The following REC114 variants were observed in gnomAD, a reference collection of about 807,000 sequenced individuals.
The protein encoded by REC114 is REC114 meiotic recombination protein, also known as meiotic recombination protein REC114.
Under a neutral mutation model 31.3 loss-of-function variants are expected in REC114, and 27 were observed. The observed-to-expected ratio is 0.86, with a 90% CI of 0.64 to 1.19. REC114 has a LOEUF of 1.19. Ranked by LOEUF, REC114 falls within the 50% of genes most tolerant of loss-of-function variation. REC114 has a pLI of 0.00. For missense variants in REC114, 344 were observed against 326.9 expected (o/e 1.05, Z -0.40); for synonymous variants, 134 against 127.7 (o/e 1.05, Z -0.33).
intron 1 of REC114, among the ~76,000 whole-genome samples, chr15:73,460,914 G>A (rs988275421): frequency 1.3e-5 from 2 of 152,076 alleles, no homozygotes; most frequent in East Asian, 1.9e-4. Context: ...TTGAGTAAAT[G>A]TAGTCTATTT....
At chr15:73,488,213 G>C (rs1175512125) in intron 2 of REC114, among the ~76,000 whole-genome samples, 1 of 152,148 alleles carries the variant, frequency 6.6e-6, no homozygotes, top group Non-Finnish European at 1.5e-5. Context: ...TGATGGGTGT[G>C]GTAGCCTCAA....
At chr15:73,524,792 T>G in intron 2 of REC114, among the ~76,000 whole-genome samples, 1 of 152,072 alleles carries the variant, frequency 6.6e-6, no homozygotes, top group East Asian at 1.9e-4. Flanking sequence ...AGAAATGGGG[T>G]TTTGCCATGC....
intron 1 of REC114, among the ~76,000 whole-genome samples, chr15:73,455,810 A>G (rs1892907554): frequency 6.6e-6 from 1 of 152,148 alleles, no homozygotes; most frequent in African/African-American, 2.4e-5. Flanking sequence ...TGTGCATAGA[A>G]ATCATCTGAG....
intron 1 of REC114, among the ~76,000 whole-genome samples, chr15:73,466,538 A>G (rs1893062325): frequency 6.6e-6 from 1 of 152,152 alleles, no homozygotes; most frequent in Admixed American, 6.5e-5. Context: ...TGGGTGACAG[A>G]GCAAGACTCC....
chr15:73,529,283 G>T (rs768420656), intron 2 of REC114, among the ~76,000 whole-genome samples: 1 of 151,744 alleles, frequency 6.6e-6, no homozygotes, highest in Non-Finnish European at 1.5e-5. Flanking sequence ...GACTACAGGC[G>T]CCCGCCACCA....
intron 2 of REC114, among the ~76,000 whole-genome samples, chr15:73,500,315 C>G (rs1029976376): frequency 6.7e-6 from 1 of 149,202 alleles, no homozygotes; most frequent in Non-Finnish European, 1.5e-5. Context: ...TCTTCATCCC[C>G]ACTTGCTGTC....
chr15:73,559,636 AAT>A (rs1491449789), intron 5 of REC114, 114 bp from the exon 6 acceptor site: 2 of 872,520 alleles, frequency 2.3e-6, no homozygotes, highest in African/African-American at 3.5e-5. Context: ...AATTAACACT[AAT>A]TTTTTTGGTG....
chr15:73,488,139 A>G (rs982863460), intron 2 of REC114, among the ~76,000 whole-genome samples: 11 of 152,196 alleles, frequency 7.2e-5, no homozygotes, highest in Non-Finnish European at 1.5e-4. Flanking sequence ...ACCAAGGTCA[A>G]TGGGCACTCT....
intron 3 of REC114, among the ~76,000 whole-genome samples, chr15:73,548,402 C>T (rs943712077): frequency 2.0e-5 from 3 of 152,178 alleles, no homozygotes; most frequent in Middle Eastern, 3.4e-3. Context: ...TCACTGTGCC[C>T]GGCCTGAATA....
chr15:73,554,932 G>C (rs1375635252), intron 4 of REC114, among the ~76,000 whole-genome samples: 2 of 152,240 alleles, frequency 1.3e-5, no homozygotes, highest in East Asian at 3.8e-4. Context: ...AGGCTGCCTT[G>C]TTTTTACAGA....
intron 4 of REC114, among the ~76,000 whole-genome samples, chr15:73,555,668 G>A (rs992610297): frequency 5.3e-5 from 8 of 152,030 alleles, no homozygotes; most frequent in African/African-American, 1.7e-4. Flanking sequence ...GTTCTTTGTC[G>A]CTCCTATCCC....
intron 2 of REC114, among the ~76,000 whole-genome samples, chr15:73,534,546 C>T (rs1418025458): frequency 1.3e-5 from 2 of 152,032 alleles, no homozygotes; most frequent in African/African-American, 4.8e-5. Flanking sequence ...CAATAGCTTA[C>T]CAACCAAAAA....
chr15:73,501,681 T>C (rs377199074), intron 2 of REC114, among the ~76,000 whole-genome samples: 17 of 152,220 alleles, frequency 1.1e-4, no homozygotes, highest in African/African-American at 3.9e-4. Context: ...CTGACCTCAA[T>C]TGATCCACTC....
Position 73,538,455 on chromosome 15 carries a change from CTTT to C in REC114, c.250-2013_250-2011del, listed in dbSNP as rs34642401. On this transcript the variant is annotated intron_variant, in intron 2 of 5. Coordinates refer to ENST00000331090, the MANE Select transcript of REC114 (RefSeq NM_001042367.2). ...TACATATGTGGCTCAAATTCTATTT[CTTT>C]TTTTTTTTTTTTTTTTGAGACAGAG... Among the ~76,000 whole-genome samples, 116 of 124,066 alleles carry C rather than the reference CTTT, an allele frequency of 9.3e-4. 1 individual carries two copies. The East Asian group carries it at 0.013, about 14-fold the overall frequency. The allele number at this position is 124,066 out of a possible 152,430, so 81.4% of individuals were successfully genotyped here. A position where few individuals can be genotyped will look rare whatever the true frequency, so the allele number is the denominator to read the frequency against.
chr15:73,531,950 T>C (rs1184454622), intron 2 of REC114, among the ~76,000 whole-genome samples: 1 of 151,918 alleles, frequency 6.6e-6, no homozygotes, highest in African/African-American at 2.4e-5. Context: ...TTTTGTCTGA[T>C]GGTAAATTAG....
intron 3 of REC114, among the ~76,000 whole-genome samples, chr15:73,543,895 T>A (rs146645851): frequency 1.3e-5 from 2 of 151,198 alleles, no homozygotes; most frequent in East Asian, 3.9e-4. Flanking sequence ...CTGACTTGCA[T>A]GGGAAGTAGT....
At chr15:73,556,438 A>AC in intron 5 of REC114, 47 bp downstream of exon 5, 4 of 1,485,410 alleles carry the variant, frequency 2.7e-6, no homozygotes, top group Non-Finnish European at 3.7e-6. Context: ...AGAAGCAGTG[A>AC]CCCCTAAGAA....
chr15:73,512,984 G>A (rs1270135072), intron 2 of REC114, among the ~76,000 whole-genome samples: 3 of 151,320 alleles, frequency 2.0e-5, no homozygotes, highest in Non-Finnish European at 3.0e-5. Context: ...GAATCTGAAC[G>A]TTGGCCTGCC....
At chr15:73,480,638 A>G (rs1196589005) in intron 2 of REC114, among the ~76,000 whole-genome samples, 2 of 152,142 alleles carry the variant, frequency 1.3e-5, no homozygotes, top group African/African-American at 4.8e-5. Context: ...TATTACATTT[A>G]CACACCCTCT....
Sources: gnomAD v4.1 joint callset for allele counts (sites outside exome capture counted in the v4.1 genomes callset) on GRCh38, gnomAD v4.1.1 for gene constraint, MANE v1.5 for transcripts, NCBI Gene and HGNC (gene_info 2026-07-23, HGNC 2026-07-21) for gene names.